Variants in ELAVL2 observed in about 807,000 individuals in gnomAD.
The protein encoded by ELAVL2 is ELAV like RNA binding protein 2.
In ELAVL2, 4 loss-of-function variants were observed where a neutral mutation model predicts 34.6. That is an observed-to-expected ratio of 0.12 (90% CI 0.06 to 0.26). ELAVL2 has a LOEUF of 0.26. Among genes scored for constraint, ELAVL2 ranks in the 10% least tolerant of loss-of-function variants. ELAVL2 has a pLI of 1.00. For missense variants in ELAVL2, 432 were observed against 442.8 expected, an observed-to-expected ratio of 0.98 and a Z score of 0.22; for synonymous variants, 193 against 154.8, an observed-to-expected ratio of 1.25 and a Z score of -1.83.
At chr9:23,773,533 A>T (rs1322079074) in intron 1 of ELAVL2, among the ~76,000 whole-genome samples, 1 of 152,184 alleles carries the variant, frequency 6.6e-6, no homozygotes, top group Non-Finnish European at 1.5e-5. Flanking sequence ...ACAGATGAAA[A>T]ATGAAGCAAG....
upstream of ELAVL2, chr9:23,826,372 A>C (rs1323854676): frequency 3.9e-5 from 6 of 152,346 alleles, no homozygotes; most frequent in Non-Finnish European, 7.3e-5. Context: ...GTATACGCCG[A>C]ATCGCGCCAC....
chr9:23,825,392 C>T (rs1443351158), intron 1 of ELAVL2, among the ~76,000 whole-genome samples: 1 of 152,176 alleles, frequency 6.6e-6, no homozygotes, highest in Non-Finnish European at 1.5e-5. Flanking sequence ...CCAGTCCAGG[C>T]TTCTGATTCC....
chr9:23,735,105 C>CAAAAGAAAAAAAAAA (rs2047512256), intron 2 of ELAVL2: 1 of 27,952 alleles, frequency 3.6e-5, no homozygotes, highest in Non-Finnish European at 6.5e-5. Context: ...TAAGGCTCTT[C>CAAAAGAAAAAAAAAA]AAAAAAAAAA....
At chr9:23,829,385 G>T (rs1458360952), upstream of ELAVL2, among the ~76,000 whole-genome samples, 1 of 152,106 alleles carries the variant, frequency 6.6e-6, no homozygotes, top group Non-Finnish European at 1.5e-5. Flanking sequence ...TGGGAGCAAG[G>T]GAAGGAGTGA....
intron 3 of ELAVL2, among the ~76,000 whole-genome samples, chr9:23,715,062 G>A (rs1564028570): frequency 6.6e-6 from 1 of 152,156 alleles, no homozygotes; most frequent in Non-Finnish European, 1.5e-5. Context: ...TAGAGGGAGG[G>A]TTGAAACTAA....
chr9:23,800,254 A>G (rs2061422903), intron 1 of ELAVL2, among the ~76,000 whole-genome samples: 1 of 152,138 alleles, frequency 6.6e-6, no homozygotes, highest in African/African-American at 2.4e-5. Context: ...AGGGACCCCA[A>G]ATTCTGAACT....
chr9:23,733,397 T>C (rs1245704630), intron 2 of ELAVL2, among the ~76,000 whole-genome samples: 3 of 152,114 alleles, frequency 2.0e-5, no homozygotes, highest in African/African-American at 4.8e-5. Flanking sequence ...GCATTGGTAC[T>C]AGCTTTTTAA....
chr9:23,771,068 T>TA (rs2057219721), intron 1 of ELAVL2, among the ~76,000 whole-genome samples: 1 of 152,038 alleles, frequency 6.6e-6, no homozygotes, highest in African/African-American at 2.4e-5. Flanking sequence ...ACTGTGAAAA[T>TA]AAATTGTGTG....
At chr9:23,705,150 G>T in intron 3 of ELAVL2, 79 bp from the exon 4 acceptor site, 7 of 1,540,664 alleles carry the variant, frequency 4.5e-6, no homozygotes, top group Non-Finnish European at 6.2e-6. Context: ...AACTGCCTCG[G>T]TAACTTTCCC....
At chr9:23,776,690 G>A (rs952688730) in intron 1 of ELAVL2, among the ~76,000 whole-genome samples, 2 of 138,482 alleles carry the variant, frequency 1.4e-5, no homozygotes, top group Admixed American at 1.6e-4. Context: ...AGAACCCGCA[G>A]CCAGAAATAA....
chr9:23,739,810 C>G (rs528521771), intron 2 of ELAVL2, among the ~76,000 whole-genome samples: 17 of 152,188 alleles, frequency 1.1e-4, no homozygotes, highest in African/African-American at 4.1e-4. Context: ...CACACCCCCC[C>G]CACTAAGCAG....
chr9:23,798,828 A>G (rs1210153823), intron 1 of ELAVL2, among the ~76,000 whole-genome samples: 1 of 152,170 alleles, frequency 6.6e-6, no homozygotes, highest in African/African-American at 2.4e-5. Context: ...CGTGTAATTA[A>G]ATTCATTATC....
At chr9:23,807,117 G>T (rs2062339142) in intron 1 of ELAVL2, among the ~76,000 whole-genome samples, 1 of 152,082 alleles carries the variant, frequency 6.6e-6, no homozygotes, top group Non-Finnish European at 1.5e-5. Context: ...TCTTCCTAAA[G>T]ACCAGCTTAT....
At chr9:23,708,746 A>C (rs1361334761) in intron 3 of ELAVL2, among the ~76,000 whole-genome samples, 1 of 152,098 alleles carries the variant, frequency 6.6e-6, no homozygotes, top group Non-Finnish European at 1.5e-5. Context: ...GGTTCAAGCT[A>C]TTCTCCTGCC....
chr9:23,781,534 T>G (rs1370767290), intron 1 of ELAVL2, among the ~76,000 whole-genome samples: 4 of 150,642 alleles, frequency 2.7e-5, no homozygotes, highest in Admixed American at 6.6e-5. Flanking sequence ...TTTTTTTTTT[T>G]GAAGATAGGT....
At chr9:23,779,328 G>A (rs1443018738) in intron 1 of ELAVL2, 7 of 985,406 alleles carry the variant, frequency 7.1e-6, no homozygotes, top group Non-Finnish European at 7.2e-6. Flanking sequence ...GAGGAACAAA[G>A]GCAATTCCAG....
intron 1 of ELAVL2, among the ~76,000 whole-genome samples, chr9:23,772,875 G>A (rs1366314661): frequency 6.6e-6 from 1 of 151,982 alleles, no homozygotes. Context: ...GGAAATTTGA[G>A]GCATCTTAAA....
At chr9:23,827,427 G>T (rs957040018), upstream of ELAVL2, among the ~76,000 whole-genome samples, 1 of 152,160 alleles carries the variant, frequency 6.6e-6, no homozygotes, top group East Asian at 1.9e-4. Context: ...GGATGTATAA[G>T]TAGACACAAT....
chr9:23,784,905 T>C (rs540519913), intron 1 of ELAVL2, among the ~76,000 whole-genome samples: 2 of 152,162 alleles, frequency 1.3e-5, no homozygotes, highest in African/African-American at 2.4e-5. Context: ...TCACTAGACA[T>C]TGTGGGAAAA....
Sources: allele counts gnomAD v4.1 joint callset (sites outside exome capture counted in the v4.1 genomes callset), GRCh38; gene constraint gnomAD v4.1.1; transcripts MANE v1.5; gene names NCBI Gene and HGNC (gene_info 2026-07-23, HGNC 2026-07-21).